The following C1QTNF6 variants were observed in gnomAD, a reference collection of about 807,000 sequenced individuals.
C1QTNF6 encodes the protein C1q and TNF related 6, also known as complement C1q tumor necrosis factor-related protein 6.
A neutral mutation model predicts 20.7 loss-of-function variants in C1QTNF6; 17 were observed. That is an observed-to-expected ratio of 0.82 (90% CI 0.56 to 1.23). C1QTNF6 has a LOEUF of 1.23. C1QTNF6 is among the 50% of genes most tolerant of loss of function. C1QTNF6 has a pLI of 0.00. For missense variants in C1QTNF6, 329 were observed against 389.7 expected, an observed-to-expected ratio of 0.84 and a Z score of 1.31; for synonymous variants, 130 against 156.3, an observed-to-expected ratio of 0.83 and a Z score of 1.25.
At position 37,185,243 on chromosome 22, in the gene C1QTNF6, G is replaced by A; in HGVS notation, c.264C>T (p.Pro88=). The A allele has an allele frequency of 6.3e-7, 1 of 1,583,196 alleles. No homozygotes were observed. Among genetic ancestry groups the A allele is most frequent in the Non-Finnish European group, 8.6e-7 (1 of 1,161,618 alleles). Residue 88 remains proline, a synonymous_variant, in exon 2 of 3, where the codon CCC becomes CCT. Coordinates refer to ENST00000337843, the MANE Select transcript of C1QTNF6 (RefSeq NM_031910.4). The part of the protein sequence containing the change: ...GRPHALPEIR[P]YINITILKGD... ...CCTTCAGGATGGTGATATTAATGTA[G>A]GGTCTGATCTCAGGCAGGGCGTGGG...
At position 37,182,081 on chromosome 22, in the gene C1QTNF6, C is replaced by T; in HGVS notation, c.*107G>A. On this transcript the variant is annotated 3_prime_UTR_variant, in exon 3 of 3. Transcript: ENST00000337843. ...CAGGGTCTCCCCAGAATGCCAGGTC[C>T]CCGGGGACCTCCCTGGCCTTCCTGC... 1 of 1,282,072 alleles carries T rather than the reference C, an allele frequency of 7.8e-7. No individual in the cohort carries two copies. The allele number at this position is 1,282,072 out of a possible 1,614,324, so 79.4% of individuals were successfully genotyped here. A position where few individuals can be genotyped will look rare whatever the true frequency, so the allele number is the denominator to read the frequency against.
At position 37,182,139 on chromosome 22, in the gene C1QTNF6, A is replaced by G. The variant is rs1342202307; in HGVS notation, c.*49T>C. The stretch of plus-strand genomic sequence containing the variant: ...CAGTGCAAACTGAGCCCTGCAGGGG[A>G]CGGGACCAGCACCTGAGCTCTCCAG... On this transcript the variant is annotated 3_prime_UTR_variant, in exon 3 of 3. Transcript: ENST00000337843. 6.4e-7 allele frequency: 1 copy of G among 1,556,086 alleles called. No individual in the cohort carries two copies. Among genetic ancestry groups the G allele is most frequent in the Non-Finnish European group, 8.7e-7 (1 of 1,148,402 alleles).
At chr22:37,188,520 T>C (rs766822370), upstream of C1QTNF6, 1 of 291,112 alleles carries the variant, frequency 3.4e-6, no homozygotes, top group Non-Finnish European at 6.4e-6. Flanking sequence ...CCCTGATGAT[T>C]GGGAAATGGA....
At chr22:37,189,644 T>C (rs1924683062), upstream of C1QTNF6, among the ~76,000 whole-genome samples, 1 of 152,164 alleles carries the variant, frequency 6.6e-6, no homozygotes, top group South Asian at 2.1e-4. Flanking sequence ...AGTAAGAAAA[T>C]GTTGGTGTGT....
chr22:37,197,139 C>A (rs186802751), intron 1 of C1QTNF6: 9 of 152,542 alleles, frequency 5.9e-5, no homozygotes, highest in Admixed American at 5.9e-4. Flanking sequence ...CCCAGGTCAT[C>A]CATTCAGGGG....
At chr22:37,193,181 T>C (rs140542127), upstream of C1QTNF6, among the ~76,000 whole-genome samples, 92 of 152,354 alleles carry the variant, frequency 6.0e-4, no homozygotes, top group East Asian at 0.015. Context: ...AGTTATTACA[T>C]AGCAAGGCTA....
rs748928732 is a variant in C1QTNF6, at chr22:37,185,306, A to T, written c.201T>A (p.Asp67Glu). Residue 67 changes from aspartate (D) to glutamate (E), a missense_variant, in exon 2 of 3, where the codon GAT becomes GAA. By Grantham distance (45) the Asp-to-Glu change is conservative. Coordinates refer to ENST00000337843, the MANE Select transcript of C1QTNF6 (RefSeq NM_031910.4). ...QRCCDSEDPLDPAHVSSASSS... is the reference protein window; with the variant it reads ...QRCCDSEDPLEPAHVSSASSS... ...AAGAGGCTGAGGATACATGGGCAGG[A>T]TCCAGGGGGTCCTCAGAGTCACAGC... 6.2e-7 allele frequency: 1 copy of T among 1,613,426 alleles called. No homozygotes were observed. The highest frequency in any genetic ancestry group is 8.5e-7 in the Non-Finnish European group (1 of 1,179,776).
intron 1 of C1QTNF6, among the ~76,000 whole-genome samples, chr22:37,186,879 C>T (rs2145769858): frequency 6.6e-6 from 1 of 152,122 alleles, no homozygotes; most frequent in Non-Finnish European, 1.5e-5. Context: ...TTTTAAAATG[C>T]CACCCTGTCT....
chr22:37,194,819 G>C (rs1925044600), intron 2 of C1QTNF6, among the ~76,000 whole-genome samples: 1 of 152,184 alleles, frequency 6.6e-6, no homozygotes, highest in Non-Finnish European at 1.5e-5. Flanking sequence ...TTCAACATAT[G>C]GTAGCTGGGC....
At chr22:37,196,662 T>C (rs1401460215) in intron 1 of C1QTNF6, 1 of 152,198 alleles carries the variant, frequency 6.6e-6, no homozygotes, top group African/African-American at 2.4e-5. Context: ...TCCAACCCGA[T>C]GGAATTCCCT....
chr22:37,187,619 A>G (rs1924479861), intron 1 of C1QTNF6, among the ~76,000 whole-genome samples: 1 of 151,000 alleles, frequency 6.6e-6, no homozygotes, highest in Admixed American at 6.6e-5. Context: ...CTGTGCCTGC[A>G]TGGGATGGGA....
rs1315965190 is a variant in C1QTNF6 at position 37,185,602 on chromosome 22, A to G, written c.52-147T>C. On this transcript the variant is annotated intron_variant, in intron 1 of 2. Transcript: ENST00000337843. ...AGGTTATTGTCCCCATCTATCAGACAAGAAGACTGAGACCTCCACAGAGCA... is the reference window on the plus strand; with the variant it reads ...AGGTTATTGTCCCCATCTATCAGACGAGAAGACTGAGACCTCCACAGAGCA... 3 of 1,366,014 alleles carry G rather than the reference A, an allele frequency of 2.2e-6. No individual in the cohort carries two copies. The Admixed American group carries it at 1.0e-4, about 46-fold the overall frequency. The allele number at this position is 1,366,014 out of a possible 1,614,324, so 84.6% of individuals were successfully genotyped here.
intron 2 of C1QTNF6, among the ~76,000 whole-genome samples, chr22:37,195,227 C>T (rs546603683): frequency 6.6e-6 from 1 of 152,330 alleles, no homozygotes; most frequent in South Asian, 2.1e-4. Flanking sequence ...CCTCTAACTC[C>T]CTAAGGACTC....
upstream of C1QTNF6, chr22:37,191,542 G>T (rs1424542969): frequency 6.6e-6 from 1 of 152,014 alleles, no homozygotes; most frequent in Admixed American, 6.6e-5. Context: ...TTTGATTTTG[G>T]AAAGTTTGTC....
intron 1 of C1QTNF6, among the ~76,000 whole-genome samples, chr22:37,187,699 G>A (rs896081940): frequency 2.0e-5 from 3 of 152,208 alleles, no homozygotes; most frequent in South Asian, 2.1e-4. Context: ...CCAGCGGATG[G>A]GAGTCAAAGG....
intron 2 of C1QTNF6, 158 bp from the exon 3 acceptor site, chr22:37,182,893 T>C: frequency 2.1e-6 from 3 of 1,436,594 alleles, no homozygotes; most frequent in Non-Finnish European, 2.7e-6. Flanking sequence ...CCTCCCCACA[T>C]GCCTGCCTAA....
At chr22:37,195,172 G>A (rs968474072) in intron 2 of C1QTNF6, among the ~76,000 whole-genome samples, 2 of 152,216 alleles carry the variant, frequency 1.3e-5, no homozygotes, top group African/African-American at 2.4e-5. Flanking sequence ...ATATCCCATA[G>A]TGCCTAATCC....
At chr22:37,191,673 G>A (rs1419255530), upstream of C1QTNF6, 2 of 152,122 alleles carry the variant, frequency 1.3e-5, no homozygotes, top group African/African-American at 4.8e-5. Flanking sequence ...TTTACTCACC[G>A]ATAAAGGGAA....
chr22:37,181,895 AC>A lies in C1QTNF6; in HGVS notation c.*292del. ...GAGTCAGAATCTGCATTTAACACGAACCCCGGGTGATTCGCATGCATTTCCA... is the reference window on the plus strand; with the variant it reads ...GAGTCAGAATCTGCATTTAACACGAACCCGGGTGATTCGCATGCATTTCCA... On this transcript the variant is annotated 3_prime_UTR_variant, in exon 3 of 3. Coordinates refer to ENST00000337843, the MANE Select transcript of C1QTNF6 (RefSeq NM_031910.4). 1 of 432,510 alleles carries A rather than the reference AC, an allele frequency of 2.3e-6. No homozygotes were observed. The highest frequency in any genetic ancestry group is 4.5e-5 in the East Asian group (1 of 22,398). The allele number at this position is 432,510 out of a possible 1,614,324, so 26.8% of individuals were successfully genotyped here.
Sources: gnomAD v4.1 joint callset for allele counts (sites outside exome capture counted in the v4.1 genomes callset) on GRCh38, gnomAD v4.1.1 for gene constraint, MANE v1.5 for transcripts, NCBI Gene and HGNC (gene_info 2026-07-23, HGNC 2026-07-21) for gene names.